CUL7: variants seen among roughly 807,000 people sequenced by gnomAD.
The protein encoded by CUL7 is cullin 7.
CUL7 carries 96 observed loss-of-function variants against 177.7 expected under a neutral mutation model. The ratio of observed to expected loss-of-function variants is 0.54; its 90% CI spans 0.46 to 0.64. CUL7 has a LOEUF of 0.64. Ranked by LOEUF, CUL7 falls within the 30% of genes least tolerant of loss-of-function variation. The pLI, the probability that CUL7 is intolerant of heterozygous loss-of-function variation, is 0.00. For synonymous variants in CUL7, 824 were observed against 890.2 expected (o/e 0.93, Z 1.32); for missense variants, 1,893 against 2,187.9 (o/e 0.87, Z 2.69).
chr6:43,051,566 A>C lies in CUL7; in HGVS notation c.732+46T>G. ...AGATAGGTGCAAAGGCCTGGACCCTAGATCTTGTTCACAAGTTCCCCCCAC... is the reference window on the plus strand; with the variant it reads ...AGATAGGTGCAAAGGCCTGGACCCTCGATCTTGTTCACAAGTTCCCCCCAC... On this transcript the variant is annotated intron_variant, in intron 3 of 25. Transcript: ENST00000265348. This position sits in a 1 kb window ranked among gnomAD's most constrained non-coding sequence, Gnocchi z 5.0. The C allele has an allele frequency of 6.2e-7, 1 of 1,614,042 alleles. No homozygotes were observed. Among genetic ancestry groups the C allele is most frequent in the Non-Finnish European group, 8.5e-7 (1 of 1,179,972 alleles).
chr6:43,050,245 C>T lies in CUL7; in HGVS notation c.1372+15G>A. The T allele has an allele frequency of 6.2e-7, 1 of 1,614,196 alleles. No homozygotes were observed. Among genetic ancestry groups the T allele is most frequent in the Non-Finnish European group, 8.5e-7 (1 of 1,180,044 alleles). On this transcript the variant is annotated intron_variant, in intron 5 of 25. Transcript: ENST00000265348. This position sits in a 1 kb window ranked among gnomAD's most constrained non-coding sequence, Gnocchi z 4.1. ...CTCTGCTCAGAGCTGACCCTTGCTT[C>T]CTCCCTGAGCTCACCTCTACCCAGG... is the stretch of plus-strand genomic sequence containing the variant.
Position 43,051,435 on chromosome 6 carries a change from GCTT to G in CUL7, c.763_765del (p.Lys255del). 1 of 1,613,940 alleles carries G rather than the reference GCTT, an allele frequency of 6.2e-7. No individual in the cohort carries two copies. Among genetic ancestry groups the G allele is most frequent in the Non-Finnish European group, 8.5e-7 (1 of 1,180,018 alleles). On this transcript the variant is annotated inframe_deletion, in exon 4 of 26. Coordinates refer to ENST00000265348, the MANE Select transcript of CUL7 (RefSeq NM_014780.5). This position sits in a 1 kb window ranked among gnomAD's most constrained non-coding sequence, Gnocchi z 5.0. ...AGGAGCGAGGTGACATGCAAATACCGCTTCACCAGGGAGAAGAGCACCCTTCCT... is the reference window on the plus strand; with the variant it reads ...AGGAGCGAGGTGACATGCAAATACCGCACCAGGGAGAAGAGCACCCTTCCT...
chr6:43,048,302 C>A (rs759844191), intron 8 of CUL7, 30 bp downstream of exon 8: 4 of 1,595,620 alleles, frequency 2.5e-6, no homozygotes, highest in Non-Finnish European at 3.4e-6. Context: ...CCTTTGCCCT[C>A]AGAGATCCCA....
At chr6:43,039,253 G>A (rs1355537793) in intron 22 of CUL7, among the ~76,000 whole-genome samples, 1 of 152,202 alleles carries the variant, frequency 6.6e-6, no homozygotes, top group African/African-American at 2.4e-5. Flanking sequence ...ATTGCCCCAT[G>A]TGTTTTTAGG....
At position 43,045,703 on chromosome 6, in the gene CUL7, CTGTCACCTCCACACATG is replaced by C. The variant is rs769385889; in HGVS notation, c.2767-38_2767-22del. Reference sequence around the variant, plus strand: ...TTCACCTGGCAGGGGGCAGAGAAAGCTGTCACCTCCACACATGCAGAGCCAAGTTGGCTCTAGGCTCC... The same window carrying C: ...TTCACCTGGCAGGGGGCAGAGAAAGCCAGAGCCAAGTTGGCTCTAGGCTCC... On this transcript the variant is annotated intron_variant, in intron 13 of 25. Transcript: ENST00000265348. The surrounding 1 kb of genome is among the most constrained non-coding windows in gnomAD (Gnocchi z 4.8). 2.5e-6 allele frequency: 4 copies of C among 1,613,300 alleles called. No homozygotes were observed. The Admixed American group carries it at 5.0e-5, about 20-fold the overall frequency.
At chr6:43,047,957 C>G in intron 9 of CUL7, 191 bp downstream of exon 9, 1 of 598,142 alleles carries the variant, frequency 1.7e-6, no homozygotes, top group Non-Finnish European at 3.0e-6. Context: ...CTTGTTAGAG[C>G]GTTTTGATTT....
In CUL7 at chr6:43,038,294, C is replaced by A; in HGVS notation, c.4746G>T (p.Gly1582=). ...GACAGACAAGCTGGTCAATGTGCAG[C>A]CCCTCATCTCCATGGGCCTTGAGGA... ...VRILKAHGDE[G]LHIDQLVCLV... Residue 1582 remains glycine (G), a synonymous_variant, in exon 25 of 26, where the codon GGG becomes GGT. Transcript: ENST00000265348. 1 of 1,614,188 alleles carries A rather than the reference C, an allele frequency of 6.2e-7. No homozygotes were observed. The highest frequency in any genetic ancestry group is 1.1e-5 in the South Asian group (1 of 91,090).
chr6:43,040,841 T>C lies in CUL7; in HGVS notation c.3806+74A>G. 6.2e-7 allele frequency: 1 copy of C among 1,603,108 alleles called. No homozygotes were observed. Among genetic ancestry groups the C allele is most frequent in the Non-Finnish European group, 8.5e-7 (1 of 1,171,656 alleles). ...CTCCAGCCTGCCTCTATCCCAGACTTCCAGGCCCATGAGCTGGCTCTGCCA... is the reference window on the plus strand; with the variant it reads ...CTCCAGCCTGCCTCTATCCCAGACTCCCAGGCCCATGAGCTGGCTCTGCCA... On this transcript the variant is annotated intron_variant, in intron 20 of 25. Coordinates refer to ENST00000265348, the MANE Select transcript of CUL7 (RefSeq NM_014780.5). The surrounding 1 kb of genome is among the most constrained non-coding windows in gnomAD (Gnocchi z 4.2).
intron 7 of CUL7, among the ~76,000 whole-genome samples, chr6:43,048,781 T>C (rs941008611): frequency 1.5e-4 from 22 of 151,588 alleles, no homozygotes; most frequent in Admixed American, 1.3e-4. Flanking sequence ...TTTTTTTTTT[T>C]CTTTGAGACG....
In CUL7 at chr6:43,043,596, C is replaced by T. The variant is rs1196700015; in HGVS notation, c.3207G>A (p.Leu1069=). ...CTTCCTGACACTCCAGGTACTGGTC[C>T]AGCAGCCAACCCAGGGGGCTAATGC... The part of the protein sequence containing the change: ...EDGISPLGWL[L]DQYLECQEAV... The change falls in exon 17 of 26, where the codon CTG becomes CTA. Residue 1069 remains leucine, a synonymous_variant. Coordinates refer to ENST00000265348, the MANE Select transcript of CUL7 (RefSeq NM_014780.5). This position sits in a 1 kb window ranked among gnomAD's most constrained non-coding sequence, Gnocchi z 4.2. The T allele has an allele frequency of 6.2e-7, 1 of 1,612,514 alleles. No individual in the cohort carries two copies. The highest frequency in any genetic ancestry group is 8.5e-7 in the Non-Finnish European group (1 of 1,179,338).
At position 43,052,277 on chromosome 6, in the gene CUL7, C is replaced by T. The variant is rs749782627; in HGVS notation, c.512G>A (p.Ser171Asn). 3.1e-6 allele frequency: 5 copies of T among 1,614,264 alleles called. No individual in the cohort carries two copies. The South Asian group carries it at 5.5e-5, about 18-fold the overall frequency. ...CCAGCGAATCTGATAATCAGGACTA[C>T]TCAACATGTGCATGAGCAAGTCCAG... Reference protein sequence around the residue: ...RVLDLLMHMLSSPDYQIRWSA... With the variant: ...RVLDLLMHMLNSPDYQIRWSA... Residue 171 changes from serine (S) to asparagine (N), a missense_variant, in exon 2 of 26, where the codon AGT (serine) becomes AAT (asparagine). Ser to Asn is a conservative substitution (Grantham distance 46, BLOSUM62 1). This residue lies in a region of CUL7 where 653 missense variants were observed against 725.2 expected (regional missense o/e 0.90). Transcript: ENST00000265348. This position sits in a 1 kb window ranked among gnomAD's most constrained non-coding sequence, Gnocchi z 4.5.
rs1763918762 is a variant in CUL7 at position 43,046,504 on chromosome 6, C to A, written c.2488+7G>T. The A allele has an allele frequency of 6.2e-7, 1 of 1,614,018 alleles. No individual in the cohort carries two copies. The highest frequency in any genetic ancestry group is 1.7e-5 in the Admixed American group (1 of 59,990). ...GGAGGTGGAGCAACACGGCAACAGG[C>A]ACGAACCCTGGCACAGGTATCTGAG... On this transcript the variant is annotated splice_region_variant and intron_variant, in intron 11 of 25. Transcript: ENST00000265348.
Position 43,046,507 on chromosome 6 carries a change from GA to G in CUL7, c.2488+3del. The G allele has an allele frequency of 6.2e-7, 1 of 1,614,168 alleles. No homozygotes were observed. Among genetic ancestry groups the G allele is most frequent in the Non-Finnish European group, 8.5e-7 (1 of 1,180,040 alleles). On this transcript the variant is annotated splice_donor_region_variant and intron_variant, in intron 11 of 25. Transcript: ENST00000265348. ...GGTGGAGCAACACGGCAACAGGCAC[GA>G]ACCCTGGCACAGGTATCTGAGGAAC...
chr6:43,038,370 C>T lies in CUL7; in HGVS notation c.4670G>A (p.Gly1557Asp), dbSNP rs1476770823. ...QTYLQAEGED[G>D]QNLEKRRNLL... ...ATTCCGTCTCTTCTCCAAGTTCTGG[C>T]CGTCTTCACCCTCAGCTTGCAGGTA... Residue 1557 changes from glycine (G) to aspartate (D), a missense_variant, in exon 25 of 26, where the codon GGC (glycine) becomes GAC (aspartate). Physicochemically the swap from Gly to Asp is moderately conservative, Grantham distance 94. Around this residue, in one of 5 missense-constraint regions of CUL7, gnomAD observed 248 missense variants for 262.5 expected, o/e 0.94. Coordinates refer to ENST00000265348, the MANE Select transcript of CUL7 (RefSeq NM_014780.5). The T allele has an allele frequency of 3.7e-6, 6 of 1,614,076 alleles. No homozygotes were observed. The highest frequency in any genetic ancestry group is 5.1e-6 in the Non-Finnish European group (6 of 1,180,034).
Position 43,040,185 on chromosome 6 carries a change from A to C in CUL7, c.4265T>G (p.Leu1422Trp). The C allele has an allele frequency of 6.2e-7, 1 of 1,614,134 alleles. No individual in the cohort carries two copies. The highest frequency in any genetic ancestry group is 1.1e-5 in the South Asian group (1 of 91,088). Reference sequence around the variant, plus strand: ...GTTGTAGAAGTTGGAGTATCTGTTCAAAGTGCCCCTCAGGTAGGAGGGCAG... The same window carrying C: ...GTTGTAGAAGTTGGAGTATCTGTTCCAAGTGCCCCTCAGGTAGGAGGGCAG... ...TCLPSYLRGT[L>W]NRYSNFYNKS... The change falls in exon 22 of 26, where the codon TTG becomes TGG. Residue 1422 changes from leucine to tryptophan, a missense_variant. Transcript: ENST00000265348. This position sits in a 1 kb window ranked among gnomAD's most constrained non-coding sequence, Gnocchi z 4.2.
At position 43,043,658 on chromosome 6, in the gene CUL7, C is replaced by T. The variant is rs776870391; in HGVS notation, c.3173-28G>A. The T allele has an allele frequency of 1.3e-6, 2 of 1,498,266 alleles. No individual in the cohort carries two copies. The highest frequency in any genetic ancestry group is 4.7e-5 in the East Asian group (2 of 42,776). The allele number at this position is 1,498,266 out of a possible 1,614,324, so 92.8% of individuals were successfully genotyped here. ...AGAGGGTGAGATAAACAAACCAAGGCACAGCCATGTCTGCAGGGAAGTGGG... is the reference window on the plus strand; with the variant it reads ...AGAGGGTGAGATAAACAAACCAAGGTACAGCCATGTCTGCAGGGAAGTGGG... On this transcript the variant is annotated intron_variant, in intron 16 of 25. Coordinates refer to ENST00000265348, the MANE Select transcript of CUL7 (RefSeq NM_014780.5). This position sits in a 1 kb window ranked among gnomAD's most constrained non-coding sequence, Gnocchi z 4.2.
chr6:43,052,403 A>C lies in CUL7; in HGVS notation c.386T>G (p.Val129Gly), dbSNP rs1764493165. The change falls in exon 2 of 26, where the codon GTG (valine) becomes GGG (glycine). Residue 129 changes from valine (V) to glycine (G), a missense_variant. Val to Gly is a moderately radical substitution (Grantham distance 109, BLOSUM62 -3). Around this residue, in one of 5 missense-constraint regions of CUL7, gnomAD observed 653 missense variants for 725.2 expected, o/e 0.90. Transcript: ENST00000265348. This position sits in a 1 kb window ranked among gnomAD's most constrained non-coding sequence, Gnocchi z 4.5. ...QRALRQLEEC[V>G]GTIPPAPLLH... ...TAGAGGAGCAGGAGGGATAGTGCCC[A>C]CACACTCCTCCAGCTGCCGAAGGGC... 6.2e-7 allele frequency: 1 copy of C among 1,614,140 alleles called. No individual in the cohort carries two copies. The highest frequency in any genetic ancestry group is 8.5e-7 in the Non-Finnish European group (1 of 1,179,970).
Position 43,042,923 on chromosome 6 carries a change from T to A in CUL7, c.3524A>T (p.His1175Leu), listed in dbSNP as rs563011688. 4.2e-5 allele frequency: 68 copies of A among 1,614,160 alleles called. No individual in the cohort carries two copies. The South Asian group carries it at 7.0e-4, about 17-fold the overall frequency. ...GCTTGAGTTCTGCAGAATATTAAAGTGCTCACAGTAGCGTGGCACAAAGTC... is the reference window on the plus strand; with the variant it reads ...GCTTGAGTTCTGCAGAATATTAAAGAGCTCACAGTAGCGTGGCACAAAGTC... Reference protein sequence around the residue: ...DDDFVPRYCEHFNILQNSSSE... With the variant: ...DDDFVPRYCELFNILQNSSSE... The change falls in exon 19 of 26, where the codon CAC (histidine) becomes CTC (leucine). Residue 1175 changes from histidine (H) to leucine (L), a missense_variant. Physicochemically the swap from His to Leu is moderately conservative, Grantham distance 99 (BLOSUM62 -3). Coordinates refer to ENST00000265348, the MANE Select transcript of CUL7 (RefSeq NM_014780.5).
At position 43,045,464 on chromosome 6, in the gene CUL7, A is replaced by C. The variant is rs1763821908; in HGVS notation, c.2863-62T>G. On this transcript the variant is annotated intron_variant, in intron 14 of 25. Transcript: ENST00000265348. The surrounding 1 kb of genome is among the most constrained non-coding windows in gnomAD (Gnocchi z 4.8). ...ACCTTGGGATGGGCTGGGGTCAGCT[A>C]CGCCCTCGAACCTCACCCCTGGAGC... is the stretch of plus-strand genomic sequence containing the variant. The C allele has an allele frequency of 1.2e-6, 2 of 1,613,896 alleles. No homozygotes were observed.
Sources: gnomAD v4.1 joint callset for allele counts (sites outside exome capture counted in the v4.1 genomes callset) on GRCh38, gnomAD v4.1.1 for gene constraint, gnomAD v4.1.1 regional missense constraint, Gnocchi (gnomAD v3.1) non-coding constraint, MANE v1.5 for transcripts, NCBI Gene and HGNC (gene_info 2026-07-23, HGNC 2026-07-21) for gene names.